ZC3H7A: variants seen among roughly 807,000 people sequenced by gnomAD.
The protein encoded by ZC3H7A is zinc finger CCCH-type containing 7A, also known as zinc finger CCCH domain-containing protein 7A.
A neutral mutation model predicts 125.5 loss-of-function variants in ZC3H7A; 44 were observed. That is an observed-to-expected ratio of 0.35 (90% CI 0.28 to 0.45). ZC3H7A has a LOEUF of 0.45. Among genes scored for constraint, ZC3H7A ranks in the 20% least tolerant of loss-of-function variants. ZC3H7A has a pLI of 1.00. For missense variants in ZC3H7A, 977 were observed against 1,170.7 expected (o/e 0.83, Z 2.41); for synonymous variants, 399 against 391.2 (o/e 1.02, Z -0.23).
chr16:11,774,565 CATA>C (rs2053047856), intron 8 of ZC3H7A, 46 bp from the exon 9 acceptor site: 1 of 1,465,970 alleles, frequency 6.8e-7, no homozygotes, highest in South Asian at 1.6e-5. Context: ...ATCGTACTTA[CATA>C]ATAATACCAT....
In ZC3H7A at chr16:11,751,361, T is replaced by C. The variant is rs2052550226; in HGVS notation, c.2872A>G (p.Asn958Asp). ...AAAAAACTATATTTTCCAAAGTCAT[T>C]ATCATTTGGGCCAATTAAGTGATCT... ...RKDHLIGPND[N>D]DFGKYSFLFK... The change falls in exon 23 of 23, where the codon AAT (asparagine) becomes GAT (aspartate). Residue 958 changes from asparagine (N) to aspartate (D), a missense_variant. By Grantham distance (23) the Asn-to-Asp change is conservative. This residue lies in a region of ZC3H7A where 436 missense variants were observed against 603.2 expected (regional missense o/e 0.72). Coordinates refer to ENST00000355758, the MANE Select transcript of ZC3H7A (RefSeq NM_014153.4). 6.2e-7 allele frequency: 1 copy of C among 1,613,734 alleles called. No homozygotes were observed.
intron 19 of ZC3H7A, 150 bp downstream of exon 19, chr16:11,761,256 G>T: frequency 1.4e-6 from 1 of 721,442 alleles, no homozygotes. Context: ...ATATACTAAA[G>T]GGAAGGAAAA....
chr16:11,789,481 T>G (rs1341791217), intron 1 of ZC3H7A, among the ~76,000 whole-genome samples: 2 of 152,092 alleles, frequency 1.3e-5, no homozygotes, highest in African/African-American at 4.8e-5. Flanking sequence ...CTTGAACTCC[T>G]GACCTCAGGT....
At position 11,762,644 on chromosome 16, in the gene ZC3H7A, T is replaced by C. The variant is rs1034378911; in HGVS notation, c.2079+27A>G. The stretch of plus-strand genomic sequence containing the variant: ...ACGCAATTCCAGAAAGGACACCAAA[T>C]GCAGAAAGTACACAAGAGAAAAATA... On this transcript the variant is annotated intron_variant, in intron 17 of 22. Coordinates refer to ENST00000355758, the MANE Select transcript of ZC3H7A (RefSeq NM_014153.4). The C allele has an allele frequency of 8.1e-6, 13 of 1,610,394 alleles. No individual in the cohort carries two copies. In the Admixed American group the frequency reaches 8.3e-5, roughly 10 times the overall value.
rs1160533889 is a variant in ZC3H7A at position 11,767,426 on chromosome 16, T to C, written c.1513A>G (p.Ile505Val). ...TKTNYEGPYY[I>V]CKDVAAEEEC... is the part of the protein sequence containing the mutation. ...TAATTACAGTACATACCTTTACATA[T>C]ATAATATGGTCCTTCATAATTTGTT... Residue 505 changes from isoleucine (I) to valine (V), a missense_variant, in exon 13 of 23, where the codon ATA becomes GTA. Transcript: ENST00000355758. The C allele has an allele frequency of 1.9e-6, 3 of 1,582,112 alleles. No individual in the cohort carries two copies. The highest frequency in any genetic ancestry group is 2.6e-6 in the Non-Finnish European group (3 of 1,155,076).
At chr16:11,783,533 G>A (rs530367274) in intron 1 of ZC3H7A, among the ~76,000 whole-genome samples, 25 of 152,234 alleles carry the variant, frequency 1.6e-4, no homozygotes, top group African/African-American at 5.5e-4. Context: ...CACTATGCCT[G>A]TAGCCCCTCA....
chr16:11,767,387 G>A (rs917117709), intron 13 of ZC3H7A, 30 bp downstream of exon 13: 4 of 1,454,794 alleles, frequency 2.7e-6, no homozygotes, highest in Non-Finnish European at 3.8e-6. Context: ...CTTATGTAAT[G>A]TATACTAATT....
chr16:11,756,417 T>A (rs760202757), intron 20 of ZC3H7A, 47 bp from the exon 21 acceptor site: 15 of 1,597,324 alleles, frequency 9.4e-6, no homozygotes, highest in Non-Finnish European at 1.2e-5. Flanking sequence ...AAACTCCATT[T>A]AAATACATGC....
At position 11,770,896 on chromosome 16, in the gene ZC3H7A, C is replaced by A; in HGVS notation, c.995G>T (p.Gly332Val). The change falls in exon 10 of 23, where the codon GGT (glycine) becomes GTT (valine). Residue 332 changes from glycine (G) to valine (V), a missense_variant. Around this residue, in one of 3 missense-constraint regions of ZC3H7A, gnomAD observed 342 missense variants for 311.3 expected, o/e 1.10. Coordinates refer to ENST00000355758, the MANE Select transcript of ZC3H7A (RefSeq NM_014153.4). The stretch of plus-strand genomic sequence containing the variant: ...GGAGGGTGGAGGAGCATACCTCGCA[C>A]CAATGGGTAAGGTTCCTAACAGCGA... ...SASLLGTLPI[G>V]ARYAPPPSFS... 1 of 1,614,158 alleles carries A rather than the reference C, an allele frequency of 6.2e-7. No individual in the cohort carries two copies. Among genetic ancestry groups the A allele is most frequent in the Non-Finnish European group, 8.5e-7 (1 of 1,180,030 alleles).
At chr16:11,779,429 A>C (rs2053137281) in intron 3 of ZC3H7A, 66 bp from the exon 4 acceptor site, 1 of 1,412,446 alleles carries the variant, frequency 7.1e-7, no homozygotes, top group African/African-American at 1.5e-5. Flanking sequence ...GTAAATTTTA[A>C]TTTTTATACC....
At chr16:11,787,253 T>C (rs1378727503) in intron 1 of ZC3H7A, among the ~76,000 whole-genome samples, 2 of 152,166 alleles carry the variant, frequency 1.3e-5, no homozygotes, top group Admixed American at 6.5e-5. Context: ...AGTGAGCTGC[T>C]GACCGCGCCA....
chr16:11,776,390 C>G (rs1250795140), intron 6 of ZC3H7A, 32 bp from the exon 7 acceptor site: 1 of 1,606,582 alleles, frequency 6.2e-7, no homozygotes, highest in African/African-American at 1.3e-5. Context: ...AATTTAAAAA[C>G]AGAACTGACT....
intron 1 of ZC3H7A, among the ~76,000 whole-genome samples, chr16:11,788,297 G>A (rs895331019): frequency 1.3e-5 from 2 of 151,936 alleles, no homozygotes; most frequent in African/African-American, 4.8e-5. Flanking sequence ...ACCCACTCTT[G>A]AGATCTCCCC....
rs1374447463 is a variant in ZC3H7A at position 11,769,779 on chromosome 16, G to GCTTT, written c.1109-688_1109-685dup. The stretch of plus-strand genomic sequence containing the variant: ...AAAAAAATCAGTAAAGTTTTCAATT[G>GCTTT]CTTTCTTTTTTTTTTTTTTTTTTTT... On this transcript the variant is annotated intron_variant, in intron 10 of 22. Transcript: ENST00000355758. Among the ~76,000 whole-genome samples the GCTTT allele has an allele frequency of 7.9e-5, 5 of 63,538 alleles. No individual in the cohort carries two copies. The East Asian group carries it at 1.9e-3, about 25-fold the overall frequency. The allele number at this position is 63,538 out of a possible 152,430, so 41.7% of individuals were successfully genotyped here.
intron 21 of ZC3H7A, 36 bp from the exon 22 acceptor site, chr16:11,752,868 C>T (rs1387984801): frequency 2.9e-5 from 46 of 1,594,050 alleles, no homozygotes; most frequent in Non-Finnish European, 3.8e-5. Context: ...CCATTAGTCA[C>T]CTGATGTGAG....
chr16:11,788,612 C>A (rs1018030018), intron 1 of ZC3H7A, among the ~76,000 whole-genome samples: 3 of 148,014 alleles, frequency 2.0e-5, no homozygotes, highest in Admixed American at 6.7e-5. Flanking sequence ...TCTTTTTTTT[C>A]TTTCTTTTTT....
intron 1 of ZC3H7A, among the ~76,000 whole-genome samples, chr16:11,786,597 G>A (rs2053260525): frequency 6.6e-6 from 1 of 152,214 alleles, no homozygotes; most frequent in Admixed American, 6.5e-5. Flanking sequence ...AAAGGAAACG[G>A]AAAATGGATA....
chr16:11,777,490 G>C (rs995717610), intron 4 of ZC3H7A, among the ~76,000 whole-genome samples: 1 of 152,226 alleles, frequency 6.6e-6, no homozygotes, highest in African/African-American at 2.4e-5. Context: ...GGAGGCCGAG[G>C]TGGGTGGATC....
chr16:11,780,869 C>T (rs530874428), intron 3 of ZC3H7A, among the ~76,000 whole-genome samples: 69 of 152,166 alleles, frequency 4.5e-4, no homozygotes, highest in Non-Finnish European at 8.5e-4. Context: ...AACAGCAGAT[C>T]ACTAGTTCTT....
Sources: gnomAD v4.1 joint callset for allele counts (sites outside exome capture counted in the v4.1 genomes callset) on GRCh38, gnomAD v4.1.1 for gene constraint, gnomAD v4.1.1 regional missense constraint, MANE v1.5 for transcripts, NCBI Gene and HGNC (gene_info 2026-07-23, HGNC 2026-07-21) for gene names.